The following DZANK1 variants were observed in gnomAD, a reference collection of about 807,000 sequenced individuals.
DZANK1 encodes the protein double zinc ribbon and ankyrin repeat-containing protein 1.
A neutral mutation model predicts 94.5 loss-of-function variants in DZANK1; 91 were observed. The ratio of observed to expected loss-of-function variants is 0.96; its 90% CI spans 0.81 to 1.15. DZANK1 has a LOEUF of 1.15. Ranked by LOEUF, DZANK1 falls within the 50% of genes most tolerant of loss-of-function variation. The pLI is 0.00. For missense variants in DZANK1, 903 were observed against 916.4 expected, an observed-to-expected ratio of 0.99 and a Z score of 0.19; for synonymous variants, 312 against 325.3, an observed-to-expected ratio of 0.96 and a Z score of 0.44.
chr20:18,397,146 TTTTA>T (rs1307165202), intron 14 of DZANK1, among the ~76,000 whole-genome samples: 1 of 152,226 alleles, frequency 6.6e-6, no homozygotes, highest in Non-Finnish European at 1.5e-5. Context: ...TCCAATAAAA[TTTTA>T]TTTATAAAAT....
In DZANK1 at chr20:18,441,759, T is replaced by C. The variant is rs574151746; in HGVS notation, c.747+1588A>G. On this transcript the variant is annotated intron_variant, in intron 8 of 20. Transcript: ENST00000262547. The surrounding 1 kb of genome is among the most constrained non-coding windows in gnomAD (Gnocchi z 4.1). ...ATTAGGAATTCCTCATCTAGGGAAC[T>C]GGCAGAACATGTTGGGAAGTCAGAT... is the stretch of plus-strand genomic sequence containing the variant. 7.9e-5 allele frequency among the ~76,000 whole-genome samples: 12 copies of C among 152,340 alleles called. No individual in the cohort carries two copies. In the East Asian group the frequency reaches 2.3e-3, roughly 29 times the overall value.
intron 8 of DZANK1, among the ~76,000 whole-genome samples, chr20:18,437,415 T>C (rs963537116): frequency 6.6e-6 from 1 of 151,724 alleles, no homozygotes; most frequent in Non-Finnish European, 1.5e-5. Context: ...CCTATCTCTA[T>C]GAAAAATACA....
At chr20:18,397,140 A>T (rs1265400261) in intron 14 of DZANK1, among the ~76,000 whole-genome samples, 1 of 152,256 alleles carries the variant, frequency 6.6e-6, no homozygotes, top group African/African-American at 2.4e-5. Flanking sequence ...CTGTGATCCA[A>T]TAAAATTTTA....
chr20:18,433,707 A>G (rs2058383161), exon 9 of DZANK1: 1 of 1,613,968 alleles, frequency 6.2e-7, no homozygotes, highest in African/African-American at 1.3e-5. Flanking sequence ...GGCCTCACAC[A>G]CCACACAGAT....
At chr20:18,427,223 A>G in intron 9 of DZANK1, 64 bp from the exon 10 acceptor site, 1 of 1,286,702 alleles carries the variant, frequency 7.8e-7, no homozygotes, top group Non-Finnish European at 1.1e-6. Context: ...AGAAATCATC[A>G]ACCAGTCTTT....
chr20:18,449,457 C>T (rs967310153), intron 6 of DZANK1, among the ~76,000 whole-genome samples: 3 of 152,036 alleles, frequency 2.0e-5, no homozygotes, highest in African/African-American at 4.8e-5. Flanking sequence ...TATTCACAAT[C>T]ATATATCTAT....
At chr20:18,411,553 A>G (rs1400763908) in intron 13 of DZANK1, among the ~76,000 whole-genome samples, 1 of 152,174 alleles carries the variant, frequency 6.6e-6, no homozygotes, top group Non-Finnish European at 1.5e-5. Context: ...TTTAAATAAT[A>G]GTTAATACCA....
chr20:18,420,553 C>G (rs1046118370), intron 10 of DZANK1: 1 of 225,536 alleles, frequency 4.4e-6, no homozygotes, highest in Non-Finnish European at 9.4e-6. Flanking sequence ...CATCCTCTAG[C>G]ACATGCCCCA....
At chr20:18,449,280 T>C (rs1053097015) in intron 6 of DZANK1, among the ~76,000 whole-genome samples, 2 of 152,254 alleles carry the variant, frequency 1.3e-5, no homozygotes, top group Admixed American at 1.3e-4. Context: ...GTGTTCACTA[T>C]TTGGGTGAAG....
intron 7 of DZANK1, among the ~76,000 whole-genome samples, chr20:18,447,351 T>C (rs1314966487): frequency 6.6e-6 from 1 of 152,100 alleles, no homozygotes; most frequent in Non-Finnish European, 1.5e-5. Flanking sequence ...TAGTGGCGCA[T>C]GCCTCTGTCA....
intron 6 of DZANK1, among the ~76,000 whole-genome samples, chr20:18,449,565 C>A (rs941863281): frequency 4.6e-5 from 7 of 151,820 alleles, no homozygotes; most frequent in African/African-American, 7.3e-5. Context: ...CCCAGCCTGG[C>A]CAACATGGCG....
exon 21 of DZANK1, chr20:18,384,521 C>T: frequency 6.2e-7 from 1 of 1,610,046 alleles, no homozygotes; most frequent in East Asian, 2.2e-5. Flanking sequence ...AGGTCGTATG[C>T]TGTCTGGCCT....
chr20:18,388,115 T>G (rs754945895), intron 19 of DZANK1, among the ~76,000 whole-genome samples: 2 of 152,132 alleles, frequency 1.3e-5, no homozygotes, highest in African/African-American at 2.4e-5. Context: ...AATGCTACTT[T>G]CCTCTACTGG....
rs2055837604 is a variant in DZANK1, at chr20:18,389,587, G to C, written c.2018+114C>G. The stretch of plus-strand genomic sequence containing the variant: ...ATTAAAGCTGAAATAGGTTAAAATG[G>C]TTAAAGTGGCTGAAACTGAACAGGG... On this transcript the variant is annotated intron_variant, in intron 19 of 20. Transcript: ENST00000262547. 4 of 1,435,062 alleles carry C rather than the reference G, an allele frequency of 2.8e-6. No individual in the cohort carries two copies. The South Asian group carries it at 5.6e-5, about 20-fold the overall frequency. The allele number at this position is 1,435,062 out of a possible 1,614,324, so 88.9% of individuals were successfully genotyped here.
intron 10 of DZANK1, among the ~76,000 whole-genome samples, chr20:18,426,144 G>A (rs898349011): frequency 2.6e-5 from 4 of 152,258 alleles, no homozygotes; most frequent in Admixed American, 6.5e-5. Flanking sequence ...TGAGTGCTCC[G>A]CCTCCTATCA....
intron 9 of DZANK1, among the ~76,000 whole-genome samples, chr20:18,431,323 T>C (rs913912772): frequency 6.6e-6 from 1 of 152,116 alleles, no homozygotes; most frequent in Admixed American, 6.5e-5. Flanking sequence ...TCTGTCTTCA[T>C]CATAGAAGGA....
intron 3 of DZANK1, 29 bp downstream of exon 3, chr20:18,460,119 ATAAAT>A (rs771292845): frequency 7.4e-7 from 1 of 1,355,178 alleles, no homozygotes; most frequent in Non-Finnish European, 9.8e-7. Context: ...TTATTATATC[ATAAAT>A]TAAATTAATC....
At chr20:18,431,060 G>T (rs147333972) in intron 9 of DZANK1, among the ~76,000 whole-genome samples, 19 of 152,148 alleles carry the variant, frequency 1.2e-4, no homozygotes, top group African/African-American at 4.3e-4. Flanking sequence ...GTAGAGTGAA[G>T]AAATTATACA....
At chr20:18,427,211 A>G in intron 9 of DZANK1, 52 bp from the exon 10 acceptor site, 2 of 1,406,204 alleles carry the variant, frequency 1.4e-6, no homozygotes, top group Non-Finnish European at 2.0e-6. Flanking sequence ...ACAACTGTGC[A>G]AAGAAATCAT....
Sources: gnomAD v4.1 joint callset for allele counts (sites outside exome capture counted in the v4.1 genomes callset) on GRCh38, gnomAD v4.1.1 for gene constraint, Gnocchi (gnomAD v3.1) non-coding constraint, MANE v1.5 for transcripts, NCBI Gene and HGNC (gene_info 2026-07-23, HGNC 2026-07-21) for gene names.